Variants in ANO10 observed in about 807,000 individuals in gnomAD.
The protein encoded by ANO10 is anoctamin 10.
Under a neutral mutation model 74.7 loss-of-function variants are expected in ANO10, and 77 were observed. The observed-to-expected ratio is 1.03, with a 90% CI of 0.86 to 1.25. The LOEUF (loss-of-function observed/expected upper bound fraction) is 1.25, where lower values mean the gene tolerates loss of function less well. Among genes scored for constraint, ANO10 ranks in the 50% most tolerant of loss-of-function variants. ANO10 has a pLI of 0.00. For missense variants in ANO10, 721 were observed against 778.1 expected (o/e 0.93, Z 0.87); for synonymous variants, 279 against 284.9 (o/e 0.98, Z 0.21).
chr3:43,468,039 G>A (rs2075701320), intron 11 of ANO10, among the ~76,000 whole-genome samples: 1 of 152,194 alleles, frequency 6.6e-6, no homozygotes, highest in African/African-American at 2.4e-5. Flanking sequence ...TGTATAATGT[G>A]AGTATCTAGG....
At chr3:43,418,235 C>A (rs932812366) in intron 12 of ANO10, among the ~76,000 whole-genome samples, 17 of 152,226 alleles carry the variant, frequency 1.1e-4, no homozygotes, top group Admixed American at 6.5e-4. Context: ...CAAGACAGTG[C>A]CATTGCACTC....
At chr3:43,395,999 G>A (rs2092371302) in intron 12 of ANO10, among the ~76,000 whole-genome samples, 1 of 152,084 alleles carries the variant, frequency 6.6e-6, no homozygotes, top group South Asian at 2.1e-4. Context: ...CTGTGCAGAT[G>A]ATCATGTCAT....
At chr3:43,482,053 C>T (rs1273419587) in intron 11 of ANO10, among the ~76,000 whole-genome samples, 7 of 151,558 alleles carry the variant, frequency 4.6e-5, no homozygotes, top group South Asian at 2.1e-4. Context: ...CTCAGCCTCC[C>T]GAGTAGCTGG....
chr3:43,445,357 G>C (rs1222505898), intron 11 of ANO10, among the ~76,000 whole-genome samples: 1 of 152,140 alleles, frequency 6.6e-6, no homozygotes, highest in East Asian at 1.9e-4. Flanking sequence ...TACCATACCA[G>C]TGTTAGATGT....
At chr3:43,530,417 AC>A (rs2078407519) in intron 11 of ANO10, among the ~76,000 whole-genome samples, 2 of 149,172 alleles carry the variant, frequency 1.3e-5, no homozygotes, top group African/African-American at 2.4e-5. Context: ...CTTATATAAA[AC>A]ATATAGCCTA....
chr3:43,504,805 C>A (rs1019437320), intron 11 of ANO10, among the ~76,000 whole-genome samples: 4 of 151,988 alleles, frequency 2.6e-5, no homozygotes, highest in African/African-American at 9.7e-5. Context: ...CCATGCTTGG[C>A]TAATTTTTGT....
At chr3:43,519,699 C>T (rs993560628) in intron 11 of ANO10, among the ~76,000 whole-genome samples, 1 of 152,104 alleles carries the variant, frequency 6.6e-6, no homozygotes, top group Non-Finnish European at 1.5e-5. Context: ...CATATGAGGG[C>T]AGACCAGAGA....
At chr3:43,664,828 A>G (rs1246395557) in intron 1 of ANO10, among the ~76,000 whole-genome samples, 1 of 152,214 alleles carries the variant, frequency 6.6e-6, no homozygotes, top group Non-Finnish European at 1.5e-5. Context: ...CCACAATGAG[A>G]TACTATCTCA....
At chr3:43,552,726 ATATG>A (rs1182501393) in intron 10 of ANO10, among the ~76,000 whole-genome samples, 3,873 of 94,906 alleles carry the variant, frequency 0.041, 69 homozygotes, top group Non-Finnish European at 0.055. Flanking sequence ...ATATATATAT[ATATG>A]TATGTATGTA....
At position 43,650,042 on chromosome 3, in the gene ANO10, T is replaced by C. The variant is rs76244608; in HGVS notation, c.-12+41475A>G. The stretch of plus-strand genomic sequence containing the variant: ...TAACAAGTTCAGTGGACCCTCTGCC[T>C]TTTTGCAAGCGTCTTTTTGCAGAGG... On this transcript the variant is annotated intron_variant, in intron 1 of 3. Coordinates refer to the ANO10 transcript ENST00000413397. Among the ~76,000 whole-genome samples the C allele has an allele frequency of 2.1e-3, 316 of 152,356 alleles. 2 individuals are homozygous for C. Among genetic ancestry groups the C allele is most frequent in the Admixed American group, 3.9e-3 (60 of 15,306 alleles).
intron 11 of ANO10, among the ~76,000 whole-genome samples, chr3:43,533,326 C>T (rs1049274365): frequency 1.3e-5 from 2 of 152,028 alleles, no homozygotes; most frequent in African/African-American, 4.8e-5. Flanking sequence ...TATCTCTCCT[C>T]GAAATAAATT....
intron 11 of ANO10, among the ~76,000 whole-genome samples, chr3:43,477,789 A>C (rs2076123215): frequency 6.6e-6 from 1 of 152,154 alleles, no homozygotes; most frequent in South Asian, 2.1e-4. Flanking sequence ...GCAAGGCATA[A>C]TCTTAACATA....
At chr3:43,370,715 T>C (rs914964501) in intron 12 of ANO10, among the ~76,000 whole-genome samples, 2 of 152,248 alleles carry the variant, frequency 1.3e-5, no homozygotes, top group Non-Finnish European at 2.9e-5. Context: ...TTCCCCTAAC[T>C]TGTGACTCAT....
intron 11 of ANO10, among the ~76,000 whole-genome samples, chr3:43,520,471 T>C (rs533202641): frequency 1.3e-5 from 2 of 152,140 alleles, no homozygotes; most frequent in Non-Finnish European, 2.9e-5. Context: ...AACTTCATCC[T>C]TTTACATGTG....
At chr3:43,656,590 C>G (rs575405648) in intron 1 of ANO10, among the ~76,000 whole-genome samples, 1 of 152,350 alleles carries the variant, frequency 6.6e-6, no homozygotes, top group Non-Finnish European at 1.5e-5. Flanking sequence ...GCAGCTAAGG[C>G]CTGGTGAGAA....
intron 11 of ANO10, among the ~76,000 whole-genome samples, chr3:43,465,852 A>G (rs2075588825): frequency 6.6e-6 from 1 of 152,228 alleles, no homozygotes; most frequent in Non-Finnish European, 1.5e-5. Context: ...GACCTAAATA[A>G]ATGGAAAGAT....
chr3:43,682,545 A>T (rs2084215533), intron 1 of ANO10, among the ~76,000 whole-genome samples: 1 of 152,198 alleles, frequency 6.6e-6, no homozygotes, highest in African/African-American at 2.4e-5. Flanking sequence ...ATTCCAATCA[A>T]TAGAAAAAGA....
chr3:43,557,622 C>G (rs2079817903), intron 9 of ANO10, among the ~76,000 whole-genome samples: 1 of 149,706 alleles, frequency 6.7e-6, no homozygotes, highest in African/African-American at 2.5e-5. Flanking sequence ...GTAGTCCCAG[C>G]TATTTGGGAG....
intron 11 of ANO10, among the ~76,000 whole-genome samples, chr3:43,452,788 T>A (rs542743094): frequency 3.9e-4 from 60 of 152,352 alleles, no homozygotes; most frequent in African/African-American, 1.3e-3. Context: ...CATTTCACAT[T>A]CCCACCAGCA....
Sources: allele counts gnomAD v4.1 joint callset (sites outside exome capture counted in the v4.1 genomes callset), GRCh38; gene constraint gnomAD v4.1.1; transcripts MANE v1.5; gene names NCBI Gene and HGNC (gene_info 2026-07-23, HGNC 2026-07-21).